The following MYO10 variants were observed in gnomAD, a reference collection of about 807,000 sequenced individuals.
The protein encoded by MYO10 is unconventional myosin-X.
Under a neutral mutation model 257.3 loss-of-function variants are expected in MYO10, and 133 were observed. That is an observed-to-expected ratio of 0.52 (90% CI 0.45 to 0.60). The LOEUF is 0.60. MYO10 is among the 20% of genes least tolerant of loss of function. The pLI is 0.00. For synonymous variants in MYO10, 1,104 were observed against 1,028.6 expected (o/e 1.07, Z -1.40); for missense variants, 2,399 against 2,635.7 (o/e 0.91, Z 1.97).
At position 16,699,872 on chromosome 5, in the gene MYO10, T is replaced by C. The variant is rs151066863; in HGVS notation, c.3433-299A>G. Among the ~76,000 whole-genome samples, 1,046 of 141,504 alleles carry C rather than the reference T, an allele frequency of 7.4e-3. 4 individuals carry two copies. The highest frequency in any genetic ancestry group is 0.014 in the South Asian group (64 of 4,478). The allele number at this position is 141,504 out of a possible 152,430, so 92.8% of individuals were successfully genotyped here. On this transcript the variant is annotated intron_variant, in intron 25 of 40. Transcript: ENST00000513610. ...CGCCTGATTTACGGTAGCACACAAA[T>C]AATTCGGAATTAAAAATACCAACTT...
chr5:16,688,747 A>AG (rs1457502366), intron 28 of MYO10, among the ~76,000 whole-genome samples: 1 of 135,864 alleles, frequency 7.4e-6, no homozygotes, highest in Non-Finnish European at 1.6e-5. Context: ...TCTCAAAAAA[A>AG]AAGAAAAAAA....
At chr5:16,764,041 G>C (rs1419861736) in intron 12 of MYO10, among the ~76,000 whole-genome samples, 1 of 151,912 alleles carries the variant, frequency 6.6e-6, no homozygotes, top group East Asian at 1.9e-4. Flanking sequence ...TCAGCTTCTT[G>C]GGAGGCTGAG....
intron 34 of MYO10, among the ~76,000 whole-genome samples, chr5:16,675,667 G>A (rs538903506): frequency 6.6e-6 from 1 of 152,268 alleles, no homozygotes; most frequent in Non-Finnish European, 1.5e-5. Context: ...TAACCTGGGA[G>A]GCAGATGTTG....
intron 1 of MYO10, among the ~76,000 whole-genome samples, chr5:16,882,198 C>A (rs1256498661): frequency 6.6e-6 from 1 of 152,142 alleles, no homozygotes; most frequent in Non-Finnish European, 1.5e-5. Context: ...AATACCGTCC[C>A]TTTCTTCAAA....
intron 1 of MYO10, among the ~76,000 whole-genome samples, chr5:16,928,961 G>A (rs1243679390): frequency 6.7e-6 from 1 of 148,406 alleles, no homozygotes; most frequent in African/African-American, 2.5e-5. Context: ...TTTTTTTTTG[G>A]TTTTTTTTTG....
chr5:16,840,441 G>T (rs1743444195), intron 2 of MYO10, among the ~76,000 whole-genome samples: 2 of 102,176 alleles, frequency 2.0e-5, no homozygotes, highest in South Asian at 3.0e-4. Context: ...ATGAATGAAT[G>T]AATGAAAGAA....
intron 1 of MYO10, among the ~76,000 whole-genome samples, chr5:16,894,412 G>A (rs1431441258): frequency 1.3e-5 from 2 of 152,130 alleles, no homozygotes; most frequent in African/African-American, 4.8e-5. Flanking sequence ...AAACCGCCTG[G>A]ACAGGAACCC....
At chr5:16,713,562 G>T in intron 19 of MYO10, 1 of 845,484 alleles carries the variant, frequency 1.2e-6, no homozygotes, top group Non-Finnish European at 1.4e-6. Context: ...GGAGGGGAGG[G>T]AGGGAGCAAG....
intron 2 of MYO10, among the ~76,000 whole-genome samples, chr5:16,855,718 A>G (rs1351361136): frequency 6.6e-6 from 1 of 152,182 alleles, no homozygotes; most frequent in African/African-American, 2.4e-5. Flanking sequence ...TTGTCATAAG[A>G]GTGACTGTCT....
intron 19 of MYO10, among the ~76,000 whole-genome samples, chr5:16,730,203 T>A (rs1410133708): frequency 6.6e-6 from 1 of 152,212 alleles, no homozygotes; most frequent in African/African-American, 2.4e-5. Context: ...TACAGGCACA[T>A]GGATCCAAGT....
At chr5:16,886,592 G>A (rs528475172) in intron 1 of MYO10, among the ~76,000 whole-genome samples, 2 of 152,068 alleles carry the variant, frequency 1.3e-5, no homozygotes, top group African/African-American at 4.8e-5. Context: ...CATCATCATC[G>A]TCATCATCAT....
intron 1 of MYO10, among the ~76,000 whole-genome samples, chr5:16,909,290 C>A (rs564874804): frequency 1.3e-5 from 2 of 152,162 alleles, no homozygotes; most frequent in South Asian, 4.1e-4. Flanking sequence ...GGGCGGATCA[C>A]GAGGTCAGGA....
rs1244911400 is a variant in MYO10, at chr5:16,670,773, T to C, written c.5636A>G (p.Lys1879Arg). 2 of 1,613,922 alleles carry C rather than the reference T, an allele frequency of 1.2e-6. No homozygotes were observed. The highest frequency in any genetic ancestry group is 1.7e-6 in the Non-Finnish European group (2 of 1,179,908). The stretch of plus-strand genomic sequence containing the variant: ...CCCCTCTAGGAAGCTCGTCCGCCTC[T>C]TCTCCAGCCGTTCACAAGGGGTGAA... The part of the protein sequence containing the change: ...KTFTPCERLE[K>R]RRTSFLEGTL... The change falls in exon 39 of 41, where the codon AAG becomes AGG. Residue 1879 changes from lysine (K) to arginine (R), a missense_variant. This residue lies in a region of MYO10 where 1,820 missense variants were observed against 1,939.4 expected (regional missense o/e 0.94). Coordinates refer to ENST00000513610, the MANE Select transcript of MYO10 (RefSeq NM_012334.3).
chr5:16,877,855 G>A (rs748737959), intron 1 of MYO10, 148 bp from the exon 2 acceptor site: 11 of 664,850 alleles, frequency 1.7e-5, no homozygotes, highest in Admixed American at 5.0e-5. Flanking sequence ...ACAAATCTTC[G>A]CAAAGCATCA....
At chr5:16,925,718 T>C (rs369496833) in intron 1 of MYO10, among the ~76,000 whole-genome samples, 150 of 152,344 alleles carry the variant, frequency 9.8e-4, no homozygotes, top group African/African-American at 3.5e-3. Flanking sequence ...GGCCTCAGTT[T>C]TCTTTATAAC....
intron 2 of MYO10, among the ~76,000 whole-genome samples, chr5:16,826,443 T>C (rs377173057): frequency 1.3e-5 from 2 of 152,256 alleles, no homozygotes; most frequent in African/African-American, 4.8e-5. Flanking sequence ...AAGGTAGCAA[T>C]TCCTATCAGG....
intron 19 of MYO10, among the ~76,000 whole-genome samples, chr5:16,717,012 C>T (rs31297): frequency 0.83 from 125,590 of 152,012 alleles, 52,102 homozygotes; most frequent in Non-Finnish European, 0.84. Context: ...TAATTTTGTA[C>T]TTTTAGTAGA....
intron 40 of MYO10, among the ~76,000 whole-genome samples, chr5:16,667,932 G>A (rs890668720): frequency 9.2e-5 from 14 of 152,224 alleles, no homozygotes; most frequent in Non-Finnish European, 1.2e-4. Context: ...CTGTGACACC[G>A]CTATAATTGC....
At chr5:16,894,632 GA>G (rs1745168579) in intron 1 of MYO10, among the ~76,000 whole-genome samples, 1 of 152,208 alleles carries the variant, frequency 6.6e-6, no homozygotes, top group South Asian at 2.1e-4. Context: ...TAACAACACA[GA>G]TACTGTGCCA....
Sources: allele counts gnomAD v4.1 joint callset (sites outside exome capture counted in the v4.1 genomes callset), GRCh38; gene constraint gnomAD v4.1.1; regional missense constraint gnomAD v4.1.1; transcripts MANE v1.5; gene names NCBI Gene and HGNC (gene_info 2026-07-23, HGNC 2026-07-21).